The following CAPZB variants were observed in gnomAD, a reference collection of about 807,000 sequenced individuals.
CAPZB encodes capping actin protein of muscle Z-line subunit beta.
CAPZB carries 2 observed loss-of-function variants against 38.1 expected under a neutral mutation model. That is an observed-to-expected ratio of 0.05 (90% confidence interval 0.02 to 0.17). CAPZB has a LOEUF of 0.17. Ranked by LOEUF, CAPZB falls within the 10% of genes least tolerant of loss-of-function variation. CAPZB has a pLI of 1.00. For synonymous variants in CAPZB, 107 were observed against 127.4 expected (o/e 0.84, Z 1.08); for missense variants, 161 against 334.2 (o/e 0.48, Z 4.04).
At chr1:19,449,537 C>A (rs1043185708) in intron 1 of CAPZB, among the ~76,000 whole-genome samples, 4 of 152,038 alleles carry the variant, frequency 2.6e-5, no homozygotes, top group African/African-American at 9.7e-5. Flanking sequence ...CCTGTAATCT[C>A]GGCACTTTGG....
chr1:19,484,343 G>C, intron 1 of CAPZB: 1 of 1,568,142 alleles, frequency 6.4e-7, no homozygotes, highest in South Asian at 1.2e-5. Flanking sequence ...CCTCACAAGG[G>C]CGATTGTGCG....
intron 1 of CAPZB, chr1:19,484,571 T>A: frequency 5.6e-6 from 7 of 1,250,520 alleles, no homozygotes; most frequent in East Asian, 4.4e-5. Context: ...AAGCGGCAAC[T>A]GAGAAGGCAC....
chr1:19,433,639 G>T (rs528219753), intron 1 of CAPZB, among the ~76,000 whole-genome samples: 3 of 152,294 alleles, frequency 2.0e-5, no homozygotes, highest in Non-Finnish European at 2.9e-5. Flanking sequence ...AAAAACGAAG[G>T]CTCCATCAAT....
intron 1 of CAPZB, chr1:19,484,250 G>A (rs1410131370): frequency 1.9e-6 from 3 of 1,612,434 alleles, no homozygotes; most frequent in Non-Finnish European, 2.5e-6. Context: ...AGTTCAGAGG[G>A]AAGGGGAGGC....
chr1:19,449,528 C>A (rs2094507522), intron 1 of CAPZB, among the ~76,000 whole-genome samples: 2 of 152,068 alleles, frequency 1.3e-5, no homozygotes, highest in South Asian at 4.1e-4. Context: ...TGGCCCACAC[C>A]TGTAATCTCG....
chr1:19,392,661 T>C (rs1365272904), intron 2 of CAPZB, among the ~76,000 whole-genome samples: 3 of 151,694 alleles, frequency 2.0e-5, no homozygotes, highest in Non-Finnish European at 4.4e-5. Context: ...CATGGTGGCA[T>C]GTTCCTGTAG....
intron 1 of CAPZB, chr1:19,448,905 G>C (rs751154220): frequency 8.1e-6 from 13 of 1,612,810 alleles, no homozygotes; most frequent in Admixed American, 1.7e-5. Context: ...TCCTGGAACT[G>C]CCTGGGCATT....
intron 8 of CAPZB, among the ~76,000 whole-genome samples, chr1:19,344,153 T>C (rs995579603): frequency 5.3e-5 from 8 of 152,068 alleles, no homozygotes; most frequent in African/African-American, 1.9e-4. Flanking sequence ...ATGGTGCAGA[T>C]AGGGACCGAC....
At chr1:19,366,283 A>AATAAATATATATATAT (rs71008151) in intron 4 of CAPZB, among the ~76,000 whole-genome samples, 877 of 60,382 alleles carry the variant, frequency 0.015, 23 homozygotes, top group Non-Finnish European at 0.022. Context: ...CGTGTCTTAA[A>AATAAATATATATATAT]ATATATATAT....
chr1:19,353,448 G>A (rs2094003026), intron 6 of CAPZB, among the ~76,000 whole-genome samples: 1 of 151,118 alleles, frequency 6.6e-6, no homozygotes, highest in Non-Finnish European at 1.5e-5. Context: ...ACGCCAGAAT[G>A]CCCCCCAGCC....
At chr1:19,425,714 A>G (rs1452379625) in intron 1 of CAPZB, among the ~76,000 whole-genome samples, 2 of 152,246 alleles carry the variant, frequency 1.3e-5, no homozygotes. Flanking sequence ...ATAAGAAATC[A>G]GTCAAATAAA....
intron 4 of CAPZB, among the ~76,000 whole-genome samples, chr1:19,364,449 A>T (rs2094071905): frequency 6.6e-6 from 1 of 152,204 alleles, no homozygotes; most frequent in Admixed American, 6.5e-5. Context: ...TTCTCTCTGG[A>T]CTTGAGTGAA....
chr1:19,346,817 CTTTTTTTT>C (rs34733600), intron 6 of CAPZB, among the ~76,000 whole-genome samples: 8 of 84,100 alleles, frequency 9.5e-5, no homozygotes, highest in South Asian at 4.6e-4. Flanking sequence ...CGACTTTTGT[CTTTTTTTT>C]TTTTTTTTTT....
At chr1:19,454,564 CG>C (rs1285259110) in intron 1 of CAPZB, among the ~76,000 whole-genome samples, 1 of 152,122 alleles carries the variant, frequency 6.6e-6, no homozygotes, top group African/African-American at 2.4e-5. Flanking sequence ...GAGTCACACA[CG>C]ATCATCCCAA....
chr1:19,431,309 A>G (rs1415749173), intron 1 of CAPZB, among the ~76,000 whole-genome samples: 3 of 152,218 alleles, frequency 2.0e-5, no homozygotes, highest in African/African-American at 4.8e-5. Flanking sequence ...CAAAATCTGA[A>G]AAGAATCCAA....
At chr1:19,418,898 C>G (rs2094390922) in intron 2 of CAPZB, among the ~76,000 whole-genome samples, 1 of 152,228 alleles carries the variant, frequency 6.6e-6, no homozygotes, top group African/African-American at 2.4e-5. Context: ...CAAGAAGACA[C>G]AGGACACAGT....
chr1:19,464,440 C>A (rs1028399983), intron 1 of CAPZB, among the ~76,000 whole-genome samples: 1 of 151,486 alleles, frequency 6.6e-6, no homozygotes, highest in African/African-American at 2.4e-5. Flanking sequence ...TACAGGTGCC[C>A]GCCACCATGC....
At position 19,383,446 on chromosome 1, in the gene CAPZB, C is replaced by CAAAA. The variant is rs528617668; in HGVS notation, c.215+2055_215+2058dup. Among the ~76,000 whole-genome samples, 583 of 118,034 alleles carry CAAAA rather than the reference C, an allele frequency of 4.9e-3. 6 individuals carry two copies. Among genetic ancestry groups the CAAAA allele is most frequent in the African/African-American group, 0.018 (530 of 30,004 alleles). The allele number at this position is 118,034 out of a possible 152,430, so 77.4% of individuals were successfully genotyped here. On this transcript the variant is annotated intron_variant, in intron 3 of 8. Transcript: ENST00000264202. ...TGGACAACAGAGTGAGACTCTGTCT[C>CAAAA]AAAAAAAAAAAAAAAAAAAATTAGC...
chr1:19,403,740 T>TC (rs757163681), intron 2 of CAPZB, among the ~76,000 whole-genome samples: 6 of 152,178 alleles, frequency 3.9e-5, no homozygotes, highest in South Asian at 2.1e-4. Context: ...ATTGAACTGC[T>TC]CTAAAATGAG....
Sources: allele counts gnomAD v4.1 joint callset (sites outside exome capture counted in the v4.1 genomes callset), GRCh38; gene constraint gnomAD v4.1.1; transcripts MANE v1.5; gene names NCBI Gene and HGNC (gene_info 2026-07-23, HGNC 2026-07-21).